The following OPCML variants were observed in gnomAD, a reference collection of about 807,000 sequenced individuals.
The protein encoded by OPCML is opioid binding protein/cell adhesion molecule like, also known as opioid-binding protein/cell adhesion molecule.
A neutral mutation model predicts 37.8 loss-of-function variants in OPCML; 13 were observed. The ratio of observed to expected loss-of-function variants is 0.34; its 90% CI spans 0.22 to 0.55. The LOEUF (loss-of-function observed/expected upper bound fraction) is 0.55, where lower values mean the gene tolerates loss of function less well. OPCML is among the 20% of genes least tolerant of loss of function. The pLI is 0.91. For missense variants in OPCML, 341 were observed against 435.6 expected (o/e 0.78, Z 1.93); for synonymous variants, 176 against 168.8 (o/e 1.04, Z -0.33).
At chr11:133,007,153 A>C (rs1329709843) in intron 1 of OPCML, 3 of 985,334 alleles carry the variant, frequency 3.0e-6, no homozygotes, top group African/African-American at 3.5e-5. Flanking sequence ...TTACAGGTAC[A>C]TGCCCACAGA....
chr11:132,553,295 G>A (rs1291866026), intron 3 of OPCML, among the ~76,000 whole-genome samples: 1 of 152,198 alleles, frequency 6.6e-6, no homozygotes, highest in Non-Finnish European at 1.5e-5. Flanking sequence ...GAACTGAATG[G>A]TGGACTTAGA....
intron 1 of OPCML, chr11:133,006,023 G>A (rs1947103365): frequency 5.1e-6 from 5 of 985,374 alleles, no homozygotes; most frequent in Non-Finnish European, 4.8e-6. Context: ...TGAGCGGAGT[G>A]TGGCCTTCGT....
At chr11:132,825,389 C>A (rs1017425394) in intron 2 of OPCML, among the ~76,000 whole-genome samples, 9 of 152,182 alleles carry the variant, frequency 5.9e-5, no homozygotes, top group African/African-American at 2.2e-4. Flanking sequence ...TCCATCAAAG[C>A]CCCATTTGAA....
At chr11:133,137,836 G>A (rs1949714032) in intron 1 of OPCML, among the ~76,000 whole-genome samples, 1 of 152,166 alleles carries the variant, frequency 6.6e-6, no homozygotes, top group African/African-American at 2.4e-5. Flanking sequence ...GAGCTCTTAA[G>A]CATGTCAGGA....
At chr11:133,440,811 T>C (rs1946350736) in intron 1 of OPCML, among the ~76,000 whole-genome samples, 1 of 115,232 alleles carries the variant, frequency 8.7e-6, no homozygotes, top group Non-Finnish European at 1.6e-5. Flanking sequence ...TGAGTGTGTA[T>C]GTGTATATAT....
intron 1 of OPCML, among the ~76,000 whole-genome samples, chr11:133,017,690 C>T (rs888528809): frequency 2.0e-5 from 3 of 152,136 alleles, no homozygotes; most frequent in African/African-American, 7.2e-5. Flanking sequence ...CGCCTGGCTT[C>T]TTCTTTAGAT....
intron 1 of OPCML, among the ~76,000 whole-genome samples, chr11:133,115,077 A>G (rs1565454940): frequency 6.6e-6 from 1 of 152,206 alleles, no homozygotes; most frequent in Non-Finnish European, 1.5e-5. Context: ...ATTGAGTGGG[A>G]GGTCAAAGGA....
At chr11:132,765,946 C>CA (rs35264010) in intron 2 of OPCML, among the ~76,000 whole-genome samples, 1 of 151,970 alleles carries the variant, frequency 6.6e-6, no homozygotes, top group Admixed American at 6.6e-5. Context: ...AGAAAATGTG[C>CA]AAAAAATAAT....
chr11:132,629,353 A>T (rs1939950933), intron 3 of OPCML, among the ~76,000 whole-genome samples: 2 of 152,240 alleles, frequency 1.3e-5, no homozygotes, highest in African/African-American at 2.4e-5. Flanking sequence ...TTGCTTATGC[A>T]GTCTAGCTGA....
chr11:132,416,030 G>A lies in OPCML; in HGVS notation c.*4163C>T, dbSNP rs894552421. The A allele has an allele frequency of 2.6e-5, 4 of 152,598 alleles. No homozygotes were observed. Among genetic ancestry groups the A allele is most frequent in the Non-Finnish European group, 4.4e-5 (3 of 68,042 alleles). The allele number at this position is 152,598 out of a possible 1,614,324, so 9.5% of individuals were successfully genotyped here. On this transcript the variant is annotated 3_prime_UTR_variant, in exon 8 of 8. Transcript: ENST00000524381. Reference sequence around the variant, plus strand: ...GACAGGGAAGCTCTGAATAATAGGAGGGGAGGCAATTGGGTATAAGAGTTT... The same window carrying A: ...GACAGGGAAGCTCTGAATAATAGGAAGGGAGGCAATTGGGTATAAGAGTTT...
At chr11:132,756,773 C>CT (rs1162464018) in intron 2 of OPCML, among the ~76,000 whole-genome samples, 2 of 152,024 alleles carry the variant, frequency 1.3e-5, no homozygotes, top group Non-Finnish European at 2.9e-5. Flanking sequence ...TCAAGGTCTT[C>CT]TTTTTTCTTT....
chr11:132,852,865 G>T (rs1941876061), intron 2 of OPCML, among the ~76,000 whole-genome samples: 1 of 149,668 alleles, frequency 6.7e-6, no homozygotes, highest in South Asian at 2.1e-4. Context: ...TGGCAAATTT[G>T]AACTGAGATC....
intron 1 of OPCML, among the ~76,000 whole-genome samples, chr11:133,339,376 A>G (rs1943812416): frequency 6.6e-6 from 1 of 152,196 alleles, no homozygotes; most frequent in Non-Finnish European, 1.5e-5. Context: ...TGTGGGAGCC[A>G]TGATTTGAAA....
chr11:132,553,029 G>T (rs1401971144), intron 3 of OPCML, among the ~76,000 whole-genome samples: 1 of 152,108 alleles, frequency 6.6e-6, no homozygotes, highest in Non-Finnish European at 1.5e-5. Flanking sequence ...CTCCCAAAGT[G>T]CTGGGATTAC....
At chr11:132,476,822 C>T (rs1432986772) in intron 4 of OPCML, among the ~76,000 whole-genome samples, 2 of 150,936 alleles carry the variant, frequency 1.3e-5, no homozygotes, top group Non-Finnish European at 2.9e-5. Flanking sequence ...CACATGTACC[C>T]TAAAATTTAA....
chr11:133,325,232 T>C (rs1030838517), intron 1 of OPCML, among the ~76,000 whole-genome samples: 1 of 152,268 alleles, frequency 6.6e-6, no homozygotes, highest in Non-Finnish European at 1.5e-5. Flanking sequence ...TGATAGCGAA[T>C]GCGAGAAGTT....
At chr11:132,568,970 A>G (rs1193660881) in intron 3 of OPCML, among the ~76,000 whole-genome samples, 1 of 152,244 alleles carries the variant, frequency 6.6e-6, no homozygotes, top group Admixed American at 6.5e-5. Flanking sequence ...CTATGCTGAA[A>G]AGCAGGAGGA....
At chr11:132,975,875 A>G (rs1347624947) in intron 1 of OPCML, among the ~76,000 whole-genome samples, 1 of 152,058 alleles carries the variant, frequency 6.6e-6, no homozygotes, top group African/African-American at 2.4e-5. Context: ...GGTTCACACC[A>G]TTCTCCTGCC....
chr11:132,865,852 C>T (rs1942524726), intron 2 of OPCML, among the ~76,000 whole-genome samples: 1 of 152,152 alleles, frequency 6.6e-6, no homozygotes, highest in Non-Finnish European at 1.5e-5. Context: ...GGTCATCTGG[C>T]CCCTGAGAGT....
Sources: allele counts gnomAD v4.1 joint callset (sites outside exome capture counted in the v4.1 genomes callset), GRCh38; gene constraint gnomAD v4.1.1; transcripts MANE v1.5; gene names NCBI Gene and HGNC (gene_info 2026-07-23, HGNC 2026-07-21).